Variants in COL5A2 observed in about 807,000 individuals in gnomAD.
COL5A2 encodes the protein collagen type V alpha 2 chain.
In COL5A2, 23 loss-of-function variants were observed where a neutral mutation model predicts 208.2. The ratio of observed to expected loss-of-function variants is 0.11; its 90% CI spans 0.08 to 0.16. The LOEUF (loss-of-function observed/expected upper bound fraction) is 0.16. COL5A2 is among the 10% of genes least tolerant of loss of function. The probability of loss-of-function intolerance (pLI) is 1.00; values close to 1 mark genes in which losing one functional copy is unlikely to be tolerated. For synonymous variants in COL5A2, 625 were observed against 628.5 expected, an observed-to-expected ratio of 0.99 and a Z score of 0.08; for missense variants, 1,590 against 1,956.4, an observed-to-expected ratio of 0.81 and a Z score of 3.53.
intron 44 of COL5A2, 62 bp downstream of exon 44, chr2:189,049,284 GA>G: frequency 2.6e-6 from 3 of 1,166,628 alleles, no homozygotes; most frequent in East Asian, 2.5e-5. Context: ...ATTGCTAAAT[GA>G]AAAAAATTGT....
chr2:189,106,486 T>A (rs1687150863), intron 2 of COL5A2, among the ~76,000 whole-genome samples: 1 of 151,362 alleles, frequency 6.6e-6, no homozygotes, highest in South Asian at 2.1e-4. Flanking sequence ...TTATTTTTTG[T>A]AGTTTTATTT....
At chr2:189,414,058 C>T in the COL5A2 span, among the ~76,000 whole-genome samples, 4 of 152,116 alleles carry the variant, frequency 2.6e-5, no homozygotes, top group African/African-American at 9.7e-5. Context: ...ACCCAAACTG[C>T]TGGGACTACG....
intron 31 of COL5A2, 132 bp from the exon 32 acceptor site, chr2:189,059,025 G>T: frequency 3.0e-6 from 2 of 663,046 alleles, no homozygotes; most frequent in East Asian, 5.6e-5. Context: ...ACAATTTAAA[G>T]AAAGAAAAGT....
the COL5A2 span, among the ~76,000 whole-genome samples, chr2:189,433,366 C>G: frequency 6.6e-6 from 1 of 152,034 alleles, no homozygotes; most frequent in African/African-American, 2.4e-5. Flanking sequence ...ACACAAAAGA[C>G]CCTTCAAAAA....
intron 1 of COL5A2, among the ~76,000 whole-genome samples, chr2:189,220,444 C>A (rs1020459243): frequency 1.3e-5 from 2 of 148,186 alleles, no homozygotes; most frequent in African/African-American, 4.9e-5. Context: ...TTTACAGTTA[C>A]AGCTCTAATA....
chr2:189,177,777 A>G (rs1688704095), intron 1 of COL5A2, among the ~76,000 whole-genome samples: 1 of 152,210 alleles, frequency 6.6e-6, no homozygotes, highest in African/African-American at 2.4e-5. Flanking sequence ...TCATTTTTCA[A>G]AAACACCTAC....
intron 1 of COL5A2, among the ~76,000 whole-genome samples, chr2:189,153,848 T>C (rs1688193062): frequency 6.6e-6 from 1 of 152,096 alleles, no homozygotes; most frequent in African/African-American, 2.4e-5. Flanking sequence ...AAACAAGCAT[T>C]TGAACATCTG....
chr2:189,075,214 A>C (rs1686378688), intron 17 of COL5A2, among the ~76,000 whole-genome samples, 179 bp downstream of exon 17: 1 of 152,216 alleles, frequency 6.6e-6, no homozygotes, highest in Admixed American at 6.5e-5. Context: ...TATGTTATAC[A>C]ACAATATTAA....
chr2:189,037,461 T>G (rs905644812), intron 51 of COL5A2, among the ~76,000 whole-genome samples: 3 of 152,178 alleles, frequency 2.0e-5, no homozygotes, highest in African/African-American at 7.2e-5. Context: ...AATGAAAGTG[T>G]CGGAATGTAA....
At chr2:189,422,398 T>C in the COL5A2 span, among the ~76,000 whole-genome samples, 3 of 151,664 alleles carry the variant, frequency 2.0e-5, no homozygotes, top group Non-Finnish European at 4.4e-5. Flanking sequence ...AAATGTAAAA[T>C]ATAATAAAGA....
the COL5A2 span, among the ~76,000 whole-genome samples, chr2:189,305,255 C>T: frequency 2.0e-5 from 3 of 152,334 alleles, no homozygotes; most frequent in African/African-American, 7.2e-5. Flanking sequence ...AACAGCAGAG[C>T]TTCGCATTTA....
the COL5A2 span, among the ~76,000 whole-genome samples, chr2:189,302,212 T>C: frequency 7.4e-4 from 112 of 152,312 alleles, no homozygotes; most frequent in African/African-American, 2.6e-3. Context: ...CCCAGTGATT[T>C]TCCTATGAAT....
At chr2:189,042,087 T>C (rs1216189473) in intron 49 of COL5A2, among the ~76,000 whole-genome samples, 1 of 152,202 alleles carries the variant, frequency 6.6e-6, no homozygotes, top group Non-Finnish European at 1.5e-5. Context: ...ACTATTATTC[T>C]GAATTTTATG....
the COL5A2 span, among the ~76,000 whole-genome samples, chr2:189,399,653 T>G: frequency 1.3e-5 from 2 of 152,180 alleles, no homozygotes; most frequent in Non-Finnish European, 2.9e-5. Context: ...TTTCAATGTC[T>G]TCTGCCTTCC....
the COL5A2 span, among the ~76,000 whole-genome samples, chr2:189,285,236 A>G: frequency 6.6e-6 from 1 of 152,074 alleles, no homozygotes; most frequent in Non-Finnish European, 1.5e-5. Context: ...GAGACAGACC[A>G]CTGTGACAAA....
At position 189,054,224 on chromosome 2, in the gene COL5A2, C is replaced by T; in HGVS notation, c.2392-12G>A. On this transcript the variant is annotated splice_polypyrimidine_tract_variant and intron_variant, in intron 35 of 53. Coordinates refer to ENST00000374866, the MANE Select transcript of COL5A2 (RefSeq NM_000393.5). ...GGACCTGGAAGACCCTGTCAATTAA[C>T]AGAACATAGGCATATTGAGGTAAAA... The T allele has an allele frequency of 6.2e-7, 1 of 1,610,660 alleles. No homozygotes were observed. Among genetic ancestry groups the T allele is most frequent in the Non-Finnish European group, 8.5e-7 (1 of 1,176,860 alleles).
At chr2:189,359,399 C>G in the COL5A2 span, among the ~76,000 whole-genome samples, 5,543 of 152,212 alleles carry the variant, frequency 0.036, 118 homozygotes, top group Admixed American at 0.05. Flanking sequence ...ATTTGAATCA[C>G]CCTTGCATCC....
At chr2:189,129,206 T>C (rs573168112) in intron 1 of COL5A2, among the ~76,000 whole-genome samples, 13 of 152,086 alleles carry the variant, frequency 8.5e-5, no homozygotes, top group Admixed American at 5.9e-4. Flanking sequence ...ACAACTACCT[T>C]ATAGAAAACA....
the COL5A2 span, among the ~76,000 whole-genome samples, chr2:189,421,636 C>A: frequency 6.6e-6 from 1 of 152,072 alleles, no homozygotes; most frequent in Non-Finnish European, 1.5e-5. Flanking sequence ...GCCCCTGACT[C>A]CAGGCCAGTG....
Sources: allele counts gnomAD v4.1 joint callset (sites outside exome capture counted in the v4.1 genomes callset), GRCh38; gene constraint gnomAD v4.1.1; transcripts MANE v1.5; gene names NCBI Gene and HGNC (gene_info 2026-07-23, HGNC 2026-07-21).